EXOC4: variants seen among roughly 807,000 people sequenced by gnomAD.
The protein encoded by EXOC4 is exocyst complex component 4, also known as SEC8-like 1.
A neutral mutation model predicts 107.2 loss-of-function variants in EXOC4; 71 were observed. The ratio of observed to expected loss-of-function variants is 0.66; its 90% CI spans 0.55 to 0.81. The LOEUF (loss-of-function observed/expected upper bound fraction) is 0.81. Ranked by LOEUF, EXOC4 falls within the 30% of genes least tolerant of loss-of-function variation. EXOC4 has a pLI of 0.00. For missense variants in EXOC4, 1,108 were observed against 1,189.6 expected (o/e 0.93, Z 1.01); for synonymous variants, 456 against 441.2 (o/e 1.03, Z -0.42).
At chr7:133,568,118 T>C (rs557520142) in intron 9 of EXOC4, among the ~76,000 whole-genome samples, 113 of 152,368 alleles carry the variant, frequency 7.4e-4, no homozygotes, top group African/African-American at 2.5e-3. Flanking sequence ...TATATTTCTC[T>C]TGTGAGATTG....
chr7:133,454,965 G>T (rs1313465142), intron 7 of EXOC4, among the ~76,000 whole-genome samples: 2 of 152,088 alleles, frequency 1.3e-5, no homozygotes, highest in African/African-American at 4.8e-5. Context: ...CATGTATCGT[G>T]GTCACAGCTA....
At chr7:133,608,769 G>A (rs532667334) in intron 9 of EXOC4, among the ~76,000 whole-genome samples, 205 of 151,886 alleles carry the variant, frequency 1.3e-3, no homozygotes, top group Non-Finnish European at 2.4e-3. Context: ...GGATGGTCTC[G>A]ATCTCCTGAC....
chr7:133,898,330 T>C (rs1351172132), intron 12 of EXOC4, among the ~76,000 whole-genome samples: 2 of 152,154 alleles, frequency 1.3e-5, no homozygotes, highest in African/African-American at 4.8e-5. Flanking sequence ...CTAGGTTAAT[T>C]GCCTGAGATT....
intron 10 of EXOC4, among the ~76,000 whole-genome samples, chr7:133,647,436 C>T (rs145550917): frequency 6.6e-6 from 1 of 152,088 alleles, no homozygotes; most frequent in Non-Finnish European, 1.5e-5. Flanking sequence ...GTATTCCTAG[C>T]AACTCTGTGT....
At chr7:133,542,607 G>C (rs1800401920) in intron 9 of EXOC4, among the ~76,000 whole-genome samples, 1 of 152,130 alleles carries the variant, frequency 6.6e-6, no homozygotes, top group Admixed American at 6.6e-5. Context: ...AGGGATTCTA[G>C]TTTCTGTGGG....
intron 10 of EXOC4, among the ~76,000 whole-genome samples, chr7:133,724,546 G>GA (rs1341601292): frequency 4.6e-5 from 7 of 151,748 alleles, no homozygotes; most frequent in African/African-American, 1.7e-4. Flanking sequence ...TGACAAAACA[G>GA]AAAAAAATTT....
intron 13 of EXOC4, 142 bp from the exon 14 acceptor site, chr7:133,937,749 A>G: frequency 1.3e-6 from 1 of 747,394 alleles, no homozygotes; most frequent in Non-Finnish European, 2.2e-6. Flanking sequence ...TAGTTGTCTC[A>G]CAAAGTTAAA....
chr7:133,817,734 A>C (rs1016347974), intron 11 of EXOC4, among the ~76,000 whole-genome samples, 190 bp downstream of exon 11: 28 of 151,550 alleles, frequency 1.8e-4, no homozygotes, highest in Non-Finnish European at 3.8e-4. Flanking sequence ...TAAGATCTTT[A>C]AGGAAAATTA....
the EXOC4 span, among the ~76,000 whole-genome samples, chr7:134,092,236 A>G: frequency 7.9e-5 from 12 of 152,192 alleles, no homozygotes; most frequent in Non-Finnish European, 1.8e-4. Flanking sequence ...ATTGAATTAT[A>G]TGTACACTTT....
intron 9 of EXOC4, among the ~76,000 whole-genome samples, chr7:133,571,243 G>A (rs1801016980): frequency 6.6e-6 from 1 of 152,282 alleles, no homozygotes; most frequent in East Asian, 1.9e-4. Flanking sequence ...TAACTTGAAA[G>A]GGAGCCCTTG....
intron 10 of EXOC4, among the ~76,000 whole-genome samples, chr7:133,666,273 G>A (rs781545644): frequency 2.6e-5 from 4 of 152,084 alleles, no homozygotes; most frequent in Non-Finnish European, 5.9e-5. Context: ...AGGTTCCTCT[G>A]ACATATGTTA....
At chr7:134,075,178 G>A in the EXOC4 span, among the ~76,000 whole-genome samples, 1 of 152,160 alleles carries the variant, frequency 6.6e-6, no homozygotes, top group Non-Finnish European at 1.5e-5. Flanking sequence ...GCAGATACAT[G>A]GGATCTTTGA....
chr7:133,799,767 G>A (rs1325281880), intron 10 of EXOC4, among the ~76,000 whole-genome samples: 1 of 152,196 alleles, frequency 6.6e-6, no homozygotes, highest in Non-Finnish European at 1.5e-5. Flanking sequence ...GAAATATAGG[G>A]TGGGTAGTGA....
intron 9 of EXOC4, among the ~76,000 whole-genome samples, chr7:133,533,946 A>C (rs1800228033): frequency 6.6e-6 from 1 of 152,138 alleles, no homozygotes; most frequent in Admixed American, 6.6e-5. Context: ...AATTGTCCTG[A>C]ATTGTCCTTG....
chr7:133,457,498 A>G (rs538556830), intron 7 of EXOC4, among the ~76,000 whole-genome samples: 135 of 152,314 alleles, frequency 8.9e-4, no homozygotes, highest in African/African-American at 3.2e-3. Flanking sequence ...CATCTTCCTT[A>G]GGTAGCTCGC....
intron 9 of EXOC4, among the ~76,000 whole-genome samples, chr7:133,539,191 G>T (rs1584985411): frequency 6.6e-6 from 1 of 152,202 alleles, no homozygotes; most frequent in African/African-American, 2.4e-5. Flanking sequence ...GAGACAGAGG[G>T]CAGTGACAGA....
intron 7 of EXOC4, among the ~76,000 whole-genome samples, chr7:133,424,345 A>G (rs1307809732): frequency 1.3e-5 from 2 of 151,872 alleles, no homozygotes; most frequent in African/African-American, 2.4e-5. Context: ...GAAGGAATGA[A>G]CAACTCCAGA....
chr7:133,525,919 A>G (rs754571798), intron 9 of EXOC4, among the ~76,000 whole-genome samples: 2 of 152,142 alleles, frequency 1.3e-5, no homozygotes, highest in Non-Finnish European at 2.9e-5. Flanking sequence ...AATTCTTTCC[A>G]TGGATTCCAG....
chr7:133,542,945 A>T (rs1417193226), intron 9 of EXOC4, among the ~76,000 whole-genome samples: 22 of 152,116 alleles, frequency 1.4e-4, no homozygotes, highest in Admixed American at 1.4e-3. Flanking sequence ...AAGTGTGTTT[A>T]GACTAGAAAT....
Sources: gnomAD v4.1 joint callset for allele counts (sites outside exome capture counted in the v4.1 genomes callset) on GRCh38, gnomAD v4.1.1 for gene constraint, MANE v1.5 for transcripts, NCBI Gene and HGNC (gene_info 2026-07-23, HGNC 2026-07-21) for gene names.